Variants in PRKN observed in about 807,000 individuals in gnomAD.
PRKN encodes parkin RBR E3 ubiquitin protein ligase.
In PRKN, 56 loss-of-function variants were observed where a neutral mutation model predicts 59.5. The observed-to-expected ratio is 0.94, with a 90% CI of 0.76 to 1.18. The LOEUF (loss-of-function observed/expected upper bound fraction) is 1.18, where lower values mean the gene tolerates loss of function less well. PRKN is among the 50% of genes most tolerant of loss of function. PRKN has a pLI of 0.00. For missense variants in PRKN, 657 were observed against 596.4 expected (o/e 1.10, Z -1.06); for synonymous variants, 250 against 222.1 (o/e 1.13, Z -1.12).
chr6:162,163,015 TAAATAAATAAAAAG>T (rs1305544700), intron 4 of PRKN, among the ~76,000 whole-genome samples: 2 of 145,356 alleles, frequency 1.4e-5, no homozygotes, highest in Non-Finnish European at 3.0e-5. Context: ...CTCAAAAAAA[TAAATAAATAAAAAG>T]AAAAATTTCT....
chr6:161,730,922 T>A (rs977705974), intron 7 of PRKN, among the ~76,000 whole-genome samples: 1 of 152,230 alleles, frequency 6.6e-6, no homozygotes, highest in Non-Finnish European at 1.5e-5. Context: ...ATATGTTGCA[T>A]TCTGACGTGT....
At chr6:162,476,701 C>T (rs1428779559) in intron 1 of PRKN, among the ~76,000 whole-genome samples, 2 of 151,202 alleles carry the variant, frequency 1.3e-5, no homozygotes, top group South Asian at 4.1e-4. Context: ...GATCAGCAAA[C>T]GTGATACCCC....
At chr6:162,306,260 G>C (rs936562746) in intron 2 of PRKN, among the ~76,000 whole-genome samples, 2 of 152,130 alleles carry the variant, frequency 1.3e-5, no homozygotes, top group Non-Finnish European at 2.9e-5. Flanking sequence ...CGGGTAATTT[G>C]GTAATGCTGG....
intron 4 of PRKN, among the ~76,000 whole-genome samples, chr6:162,179,548 T>G (rs1299973314): frequency 6.6e-6 from 1 of 152,136 alleles, no homozygotes; most frequent in Non-Finnish European, 1.5e-5. Context: ...TTGAAAAATG[T>G]GGGTAACTGA....
At chr6:162,318,536 A>G (rs1259471629) in intron 2 of PRKN, among the ~76,000 whole-genome samples, 1 of 152,042 alleles carries the variant, frequency 6.6e-6, no homozygotes, top group Non-Finnish European at 1.5e-5. Context: ...GAACCACCAT[A>G]CTGATTTCCA....
At chr6:161,365,950 T>G (rs1255836741) in intron 10 of PRKN, among the ~76,000 whole-genome samples, 5 of 152,146 alleles carry the variant, frequency 3.3e-5, no homozygotes. Context: ...GAGCAGCAAT[T>G]TCTGTTTTCA....
chr6:161,697,364 C>T (rs1171598933), intron 7 of PRKN, among the ~76,000 whole-genome samples: 1 of 152,190 alleles, frequency 6.6e-6, no homozygotes, highest in Non-Finnish European at 1.5e-5. Context: ...CTATGAAAAG[C>T]TACAAAGATG....
At chr6:161,868,348 G>C (rs1251130069) in intron 6 of PRKN, among the ~76,000 whole-genome samples, 2 of 149,406 alleles carry the variant, frequency 1.3e-5, no homozygotes, top group Non-Finnish European at 2.9e-5. Context: ...GGAGGCCGAG[G>C]CTGGTGGATC....
intron 4 of PRKN, among the ~76,000 whole-genome samples, chr6:162,126,488 T>C (rs1468258971): frequency 2.0e-5 from 3 of 152,254 alleles, no homozygotes; most frequent in African/African-American, 7.2e-5. Context: ...AATTATGTGG[T>C]CATTGTTGCC....
chr6:162,603,051 T>C (rs934503562), intron 1 of PRKN, among the ~76,000 whole-genome samples: 3 of 152,126 alleles, frequency 2.0e-5, no homozygotes, highest in Non-Finnish European at 4.4e-5. Context: ...ATGCCAACTT[T>C]TAGTTTTCAC....
intron 6 of PRKN, among the ~76,000 whole-genome samples, chr6:161,851,980 A>C (rs1417220158): frequency 6.6e-6 from 1 of 151,488 alleles, no homozygotes; most frequent in Non-Finnish European, 1.5e-5. Context: ...CCAGCTGCTC[A>C]AGAGGCTGAG....
At chr6:162,562,029 A>C in intron 1 of PRKN, among the ~76,000 whole-genome samples, 1 of 152,068 alleles carries the variant, frequency 6.6e-6, no homozygotes, top group East Asian at 1.9e-4. Flanking sequence ...AGCTCCAGAA[A>C]AGACCCCTTC....
chr6:162,556,530 C>T (rs574919994), intron 1 of PRKN, among the ~76,000 whole-genome samples: 4 of 151,634 alleles, frequency 2.6e-5, no homozygotes, highest in Middle Eastern at 3.4e-3. Flanking sequence ...GGGGGGATCA[C>T]GAAATCAGGA....
rs931678971 is a variant in PRKN at position 161,487,269 on chromosome 6, A to G, written c.1083+61585T>C. Among the ~76,000 whole-genome samples, 17 of 152,228 alleles carry G rather than the reference A, an allele frequency of 1.1e-4. No homozygotes were observed. The highest frequency in any genetic ancestry group is 3.9e-4 in the African/African-American group (16 of 41,464). ...ATAGACCCATGAAGTGGGCTTGCTC[A>G]GTAACAACTGCTCAGTGAAGGGGCT... is the stretch of plus-strand genomic sequence containing the variant. On this transcript the variant is annotated intron_variant, in intron 9 of 11. Transcript: ENST00000366898. The surrounding 1 kb of genome is among the most constrained non-coding windows in gnomAD (Gnocchi z 5.3).
At chr6:162,693,430 C>T (rs1053584321) in intron 1 of PRKN, among the ~76,000 whole-genome samples, 1 of 152,306 alleles carries the variant, frequency 6.6e-6, no homozygotes, top group South Asian at 2.1e-4. Flanking sequence ...TCAGGTTTTC[C>T]TCTTCACATG....
At chr6:162,492,752 C>T (rs1792875221) in intron 1 of PRKN, among the ~76,000 whole-genome samples, 1 of 152,076 alleles carries the variant, frequency 6.6e-6, no homozygotes, top group African/African-American at 2.4e-5. Context: ...GAGATCCAGA[C>T]CATACTGACT....
rs189128304 is a variant in PRKN at position 162,291,624 on chromosome 6, C to T, written c.172-28859G>A. On this transcript the variant is annotated intron_variant, in intron 2 of 11. Coordinates refer to ENST00000366898, the MANE Select transcript of PRKN (RefSeq NM_004562.3). ...GGTGAAGAAGGATTCTTGAGCCAAA[C>T]ATGAAAGATTTTTTGAGAGCTAAGC... 1.8e-3 allele frequency among the ~76,000 whole-genome samples: 281 copies of T among 152,244 alleles called. 2 individuals carry two copies. Among genetic ancestry groups the T allele is most frequent in the African/African-American group, 6.5e-3 (270 of 41,540 alleles).
chr6:161,537,716 G>A (rs918996872), intron 9 of PRKN, among the ~76,000 whole-genome samples: 5 of 152,184 alleles, frequency 3.3e-5, no homozygotes, highest in Non-Finnish European at 5.9e-5. Flanking sequence ...CTCCCAAAGT[G>A]CTGGGATTAC....
chr6:162,500,486 T>G (rs1793317005), intron 1 of PRKN, among the ~76,000 whole-genome samples: 1 of 152,214 alleles, frequency 6.6e-6, no homozygotes, highest in Non-Finnish European at 1.5e-5. Context: ...CAGCCATTCT[T>G]ACTGCACGTC....
Sources: allele counts gnomAD v4.1 joint callset (sites outside exome capture counted in the v4.1 genomes callset), GRCh38; gene constraint gnomAD v4.1.1; non-coding constraint Gnocchi (gnomAD v3.1); transcripts MANE v1.5; gene names NCBI Gene and HGNC (gene_info 2026-07-23, HGNC 2026-07-21).